DSCAM: variants seen among roughly 807,000 people sequenced by gnomAD.
DSCAM encodes DS cell adhesion molecule, also known as cell adhesion molecule DSCAM.
A neutral mutation model predicts 217.7 loss-of-function variants in DSCAM; 47 were observed. The ratio of observed to expected loss-of-function variants is 0.22; its 90% CI spans 0.17 to 0.28. The LOEUF (loss-of-function observed/expected upper bound fraction) is 0.28, where lower values mean the gene tolerates loss of function less well. Among genes scored for constraint, DSCAM ranks in the 10% least tolerant of loss-of-function variants. DSCAM has a pLI of 1.00. For synonymous variants in DSCAM, 1,056 were observed against 1,015.3 expected (o/e 1.04, Z -0.76); for missense variants, 2,080 against 2,618.3 (o/e 0.79, Z 4.49).
chr21:40,453,096 T>TGTGTG (rs1463089787), intron 3 of DSCAM, among the ~76,000 whole-genome samples: 2 of 131,160 alleles, frequency 1.5e-5, no homozygotes, highest in South Asian at 5.3e-4. Context: ...GTGTGTGAGA[T>TGTGTG]ATATGTGTAT....
At chr21:40,689,471 C>T (rs2090516825) in intron 3 of DSCAM, among the ~76,000 whole-genome samples, 1 of 152,212 alleles carries the variant, frequency 6.6e-6, no homozygotes, top group African/African-American at 2.4e-5. Flanking sequence ...GCTTTTGGGC[C>T]CTCTCTTGAC....
At chr21:40,415,728 A>G (rs2075364678) in intron 3 of DSCAM, among the ~76,000 whole-genome samples, 1 of 152,140 alleles carries the variant, frequency 6.6e-6, no homozygotes, top group Non-Finnish European at 1.5e-5. Flanking sequence ...CACCATTTGC[A>G]CAGGCTCCCC....
chr21:40,292,954 T>A (rs2073912230), intron 10 of DSCAM, among the ~76,000 whole-genome samples: 1 of 152,080 alleles, frequency 6.6e-6, no homozygotes. Flanking sequence ...GCCAGGATGG[T>A]CTTGATCTCC....
intron 3 of DSCAM, among the ~76,000 whole-genome samples, chr21:40,528,331 C>G (rs2076415994): frequency 6.6e-6 from 1 of 152,190 alleles, no homozygotes; most frequent in South Asian, 2.1e-4. Flanking sequence ...CCTCTGAGAA[C>G]TTGGCCTCCA....
intron 13 of DSCAM, 79 bp downstream of exon 13, chr21:40,187,812 A>C (rs1453478830): frequency 1.6e-6 from 2 of 1,250,696 alleles, no homozygotes; most frequent in Non-Finnish European, 2.3e-6. Flanking sequence ...AGTTGAGGAC[A>C]CAGAGATGCC....
intron 27 of DSCAM, among the ~76,000 whole-genome samples, chr21:40,070,057 A>G (rs567616569): frequency 6.6e-6 from 1 of 150,932 alleles, no homozygotes; most frequent in East Asian, 2.0e-4. Context: ...ACTCCCCCTC[A>G]CCCCCATGCT....
chr21:40,565,952 CCCCAG>C lies in DSCAM; in HGVS notation c.508+126853_508+126857del, dbSNP rs570671585. Among the ~76,000 whole-genome samples, 23 of 152,270 alleles carry C rather than the reference CCCCAG, an allele frequency of 1.5e-4. No individual in the cohort carries two copies. The South Asian group carries it at 1.7e-3, about 11-fold the overall frequency. On this transcript the variant is annotated intron_variant, in intron 3 of 32. Coordinates refer to ENST00000400454, the MANE Select transcript of DSCAM (RefSeq NM_001389.5). ...TGTACCCTTTTATATCAACTTTACA[CCCCAG>C]CCAAGAGAAGCTTCATGAAAAACGG...
intron 30 of DSCAM, among the ~76,000 whole-genome samples, chr21:40,050,126 CCCAGGGTGTCTGTTA>C (rs985861303): frequency 5.9e-5 from 9 of 152,158 alleles, no homozygotes; most frequent in African/African-American, 2.2e-4. Context: ...ATCAGAATCA[CCCAGGGTGTCTGTTA>C]CCATGCGGAT....
At chr21:40,809,769 T>A (rs1282569036) in intron 1 of DSCAM, among the ~76,000 whole-genome samples, 1 of 152,132 alleles carries the variant, frequency 6.6e-6, no homozygotes, top group Non-Finnish European at 1.5e-5. Flanking sequence ...AGTGGGCAGG[T>A]GCATTTCCCA....
At chr21:40,073,135 G>A (rs1001463608) in intron 27 of DSCAM, among the ~76,000 whole-genome samples, 7 of 152,194 alleles carry the variant, frequency 4.6e-5, no homozygotes, top group East Asian at 1.9e-4. Context: ...TGCTCTCAGC[G>A]AGAGGAAATG....
chr21:40,446,332 C>T (rs116893146), intron 3 of DSCAM, among the ~76,000 whole-genome samples: 247 of 152,234 alleles, frequency 1.6e-3, no homozygotes, highest in Non-Finnish European at 3.3e-3. Context: ...CAACTGTGGA[C>T]TCTGCTAAGG....
intron 1 of DSCAM, among the ~76,000 whole-genome samples, chr21:40,712,844 G>A (rs574924815): frequency 6.6e-6 from 1 of 151,752 alleles, no homozygotes; most frequent in Non-Finnish European, 1.5e-5. Context: ...AAGGTGGGGG[G>A]TACAGGCGAA....
chr21:40,282,108 A>G lies in DSCAM; in HGVS notation c.2183-5838T>C, dbSNP rs552028358. On this transcript the variant is annotated intron_variant, in intron 10 of 32. Transcript: ENST00000400454. ...AGTGTGAGGATAATAGATTTATTGG[A>G]AGTTAAAATTAAGGAAAAAGCCTTC... Among the ~76,000 whole-genome samples the G allele has an allele frequency of 3.9e-5, 6 of 152,260 alleles. No individual in the cohort carries two copies. The South Asian group carries it at 1.2e-3, about 32-fold the overall frequency.
chr21:40,571,294 G>A (rs979401053), intron 3 of DSCAM, among the ~76,000 whole-genome samples: 3 of 151,950 alleles, frequency 2.0e-5, no homozygotes, highest in African/African-American at 7.3e-5. Context: ...AGCTATAGAA[G>A]AGAGCAATTC....
intron 3 of DSCAM, among the ~76,000 whole-genome samples, chr21:40,672,295 T>C (rs1601838453): frequency 6.6e-6 from 1 of 152,138 alleles, no homozygotes; most frequent in African/African-American, 2.4e-5. Context: ...TAAGTAAATT[T>C]AGCAAAATTA....
intron 1 of DSCAM, among the ~76,000 whole-genome samples, chr21:40,739,916 T>A (rs867856222): frequency 2.7e-5 from 4 of 149,398 alleles, no homozygotes; most frequent in African/African-American, 9.9e-5. Flanking sequence ...AGTGGAAATG[T>A]CCATTGGGAA....
At chr21:40,777,452 T>G (rs546219160) in intron 1 of DSCAM, among the ~76,000 whole-genome samples, 1 of 152,100 alleles carries the variant, frequency 6.6e-6, no homozygotes, top group South Asian at 2.1e-4. Context: ...TCAACAGCCA[T>G]CAGATATTCA....
chr21:40,227,353 A>G (rs1449832249), intron 11 of DSCAM, among the ~76,000 whole-genome samples: 1 of 152,212 alleles, frequency 6.6e-6, no homozygotes, highest in Non-Finnish European at 1.5e-5. Flanking sequence ...CACCTTCCTG[A>G]AGATAGAACA....
intron 19 of DSCAM, among the ~76,000 whole-genome samples, chr21:40,126,142 G>A (rs1429797157): frequency 6.6e-6 from 1 of 151,994 alleles, no homozygotes; most frequent in Non-Finnish European, 1.5e-5. Flanking sequence ...GACAGTTAAT[G>A]GGACTACTTT....
Sources: allele counts gnomAD v4.1 joint callset (sites outside exome capture counted in the v4.1 genomes callset), GRCh38; gene constraint gnomAD v4.1.1; transcripts MANE v1.5; gene names NCBI Gene and HGNC (gene_info 2026-07-23, HGNC 2026-07-21).